Variants in RABGAP1 observed in about 807,000 individuals in gnomAD.
RABGAP1 encodes the protein RAB GTPase activating protein 1.
Under a neutral mutation model 137.6 loss-of-function variants are expected in RABGAP1, and 23 were observed. The ratio of observed to expected loss-of-function variants is 0.17; its 90% CI spans 0.12 to 0.24. The LOEUF (loss-of-function observed/expected upper bound fraction) is 0.24, where lower values mean the gene tolerates loss of function less well. RABGAP1 is among the 10% of genes least tolerant of loss of function. RABGAP1 has a pLI of 1.00. For synonymous variants in RABGAP1, 451 were observed against 450.7 expected, an observed-to-expected ratio of 1.00 and a Z score of -0.01; for missense variants, 906 against 1,275.8, an observed-to-expected ratio of 0.71 and a Z score of 4.42.
intron 19 of RABGAP1, 135 bp from the exon 20 acceptor site, chr9:123,089,623 C>CA: frequency 1.5e-6 from 1 of 669,622 alleles, no homozygotes. Flanking sequence ...GATTTCCCTC[C>CA]AAAAAAATAG....
intron 15 of RABGAP1, among the ~76,000 whole-genome samples, chr9:123,071,722 A>G (rs558623337): frequency 6.6e-6 from 1 of 152,324 alleles, no homozygotes; most frequent in African/African-American, 2.4e-5. Context: ...ATGATAAGGG[A>G]TATCATTTTC....
At position 123,097,005 on chromosome 9, in the gene RABGAP1, C is replaced by T. The variant is rs183438181; in HGVS notation, c.2629-736C>T. Among the ~76,000 whole-genome samples the T allele has an allele frequency of 3.9e-3, 598 of 152,330 alleles. 5 individuals are homozygous for T. The highest frequency in any genetic ancestry group is 7.0e-3 in the Non-Finnish European group (474 of 68,038). On this transcript the variant is annotated intron_variant, in intron 21 of 25. Coordinates refer to ENST00000373647, the MANE Select transcript of RABGAP1 (RefSeq NM_012197.4). ...GGTGATGTCAGAATTTCAGGGAAAT[C>T]CTATCCATATCAGGAGCCCAGCAGA...
chr9:123,036,386 A>G (rs1588310356), intron 13 of RABGAP1, among the ~76,000 whole-genome samples: 1 of 152,248 alleles, frequency 6.6e-6, no homozygotes, highest in Admixed American at 6.5e-5. Context: ...TGTTATGTCT[A>G]TATTTAGAAT....
chr9:123,004,621 A>T (rs774356267), intron 10 of RABGAP1, among the ~76,000 whole-genome samples: 1 of 152,142 alleles, frequency 6.6e-6, no homozygotes, highest in African/African-American at 2.4e-5. Context: ...TCTGTTGGTG[A>T]TATTTACCTG....
chr9:123,083,788 G>A (rs187177120), intron 19 of RABGAP1, among the ~76,000 whole-genome samples: 34 of 152,330 alleles, frequency 2.2e-4, no homozygotes, highest in Admixed American at 6.5e-4. Context: ...TCGCAGGGTT[G>A]TGACAGAATA....
At chr9:123,098,461 A>C (rs1468616870) in intron 22 of RABGAP1, among the ~76,000 whole-genome samples, 1 of 152,218 alleles carries the variant, frequency 6.6e-6, no homozygotes, top group African/African-American at 2.4e-5. Context: ...TTGTACTGGC[A>C]GGGAAGACCT....
chr9:123,039,494 G>C (rs1268515103), intron 13 of RABGAP1, among the ~76,000 whole-genome samples: 1 of 152,046 alleles, frequency 6.6e-6, no homozygotes, highest in African/African-American at 2.4e-5. Flanking sequence ...GGTATTATAG[G>C]GCAGTGATGT....
chr9:123,094,521 G>A (rs2035123544), intron 21 of RABGAP1, among the ~76,000 whole-genome samples: 2 of 152,096 alleles, frequency 1.3e-5, no homozygotes, highest in Admixed American at 6.5e-5. Context: ...GCATTCCTAG[G>A]ATAAACTCCA....
intron 21 of RABGAP1, among the ~76,000 whole-genome samples, chr9:123,091,039 CA>C (rs2035018083): frequency 6.6e-6 from 1 of 152,214 alleles, no homozygotes; most frequent in Non-Finnish European, 1.5e-5. Context: ...TATGGCCCTA[CA>C]GTCTACATTG....
At chr9:122,964,463 C>T (rs1487407982) in intron 2 of RABGAP1, among the ~76,000 whole-genome samples, 1 of 152,026 alleles carries the variant, frequency 6.6e-6, no homozygotes, top group Non-Finnish European at 1.5e-5. Context: ...AAAAGCAAAA[C>T]CCACATGATC....
intron 2 of RABGAP1, among the ~76,000 whole-genome samples, chr9:122,969,528 G>C (rs1029122406): frequency 6.6e-6 from 1 of 152,074 alleles, no homozygotes; most frequent in Admixed American, 6.5e-5. Context: ...AAATCTTTAA[G>C]GTCTGTCATC....
intron 19 of RABGAP1, among the ~76,000 whole-genome samples, chr9:123,084,092 G>A (rs2132189498): frequency 1.3e-5 from 2 of 152,298 alleles, no homozygotes; most frequent in Middle Eastern, 6.8e-3. Flanking sequence ...AGCCATCTGT[G>A]ATATGATAAG....
At chr9:123,087,447 C>T (rs2034903399) in intron 19 of RABGAP1, among the ~76,000 whole-genome samples, 2 of 152,150 alleles carry the variant, frequency 1.3e-5, no homozygotes, top group African/African-American at 4.8e-5. Context: ...CTGTTCGCAG[C>T]CGCATTTATT....
intron 2 of RABGAP1, among the ~76,000 whole-genome samples, chr9:122,968,767 A>C (rs1048118215): frequency 1.3e-5 from 2 of 151,928 alleles, no homozygotes; most frequent in African/African-American, 4.8e-5. Flanking sequence ...GGTGTGTGCC[A>C]CCACACCTGG....
At chr9:123,094,592 A>C (rs907001816) in intron 21 of RABGAP1, among the ~76,000 whole-genome samples, 2 of 152,096 alleles carry the variant, frequency 1.3e-5, no homozygotes, top group Non-Finnish European at 2.9e-5. Context: ...TATGTTCATA[A>C]GGAATATTTG....
chr9:123,032,025 C>T (rs1383830144), intron 13 of RABGAP1, among the ~76,000 whole-genome samples: 2 of 152,212 alleles, frequency 1.3e-5, no homozygotes, highest in Admixed American at 6.5e-5. Flanking sequence ...TGTGACAGCA[C>T]TGTATTCAGA....
In RABGAP1 at chr9:123,082,743, A is replaced by C. The variant is rs558568638; in HGVS notation, c.2424+5981A>C. Among the ~76,000 whole-genome samples the C allele has an allele frequency of 5.9e-5, 9 of 152,356 alleles. No individual in the cohort carries two copies. The South Asian group carries it at 1.7e-3, about 28-fold the overall frequency. On this transcript the variant is annotated intron_variant, in intron 19 of 25. Transcript: ENST00000373647. ...ACACAACGTGATGTGCCAGACTTCA[A>C]ACTACTTGTAAGAAAAGATACTAGT... is the stretch of plus-strand genomic sequence containing the variant.
intron 8 of RABGAP1, 42 bp downstream of exon 8, chr9:122,996,647 C>A: frequency 6.8e-7 from 1 of 1,475,564 alleles, no homozygotes; most frequent in Non-Finnish European, 9.3e-7. Flanking sequence ...ACTATTTCCT[C>A]AGTAAAGGTT....
rs183752232 is a variant in RABGAP1 at position 123,060,982 on chromosome 9, A to G, written c.1795-4366A>G. Among the ~76,000 whole-genome samples the G allele has an allele frequency of 3.0e-4, 46 of 152,362 alleles. No homozygotes were observed. The East Asian group carries it at 8.9e-3, about 29-fold the overall frequency. On this transcript the variant is annotated intron_variant, in intron 13 of 25. Transcript: ENST00000373647. ...AACATGTTAGTATATTTAAAATCAT[A>G]ACAAAAATCTTCTCTCTGGTCATGC...
Sources: allele counts gnomAD v4.1 joint callset (sites outside exome capture counted in the v4.1 genomes callset), GRCh38; gene constraint gnomAD v4.1.1; transcripts MANE v1.5; gene names NCBI Gene and HGNC (gene_info 2026-07-23, HGNC 2026-07-21).